The following CLIC5 variants were observed in gnomAD, a reference collection of about 807,000 sequenced individuals.
CLIC5 encodes chloride intracellular channel protein 5.
Under a neutral mutation model 24.7 loss-of-function variants are expected in CLIC5, and 20 were observed. The ratio of observed to expected loss-of-function variants is 0.81; its 90% CI spans 0.57 to 1.18. CLIC5 has a LOEUF of 1.18. CLIC5 is among the 50% of genes most tolerant of loss of function. CLIC5 has a pLI of 0.00. For synonymous variants in CLIC5, 159 were observed against 135.6 expected, an observed-to-expected ratio of 1.17 and a Z score of -1.20; for missense variants, 341 against 326.1, an observed-to-expected ratio of 1.05 and a Z score of -0.35.
intron 1 of CLIC5, among the ~76,000 whole-genome samples, chr6:46,003,918 C>A (rs1201539242): frequency 6.6e-6 from 1 of 152,142 alleles, no homozygotes; most frequent in East Asian, 1.9e-4. Context: ...TATAGAGCAA[C>A]CCATCATGCA....
intron 1 of CLIC5, among the ~76,000 whole-genome samples, chr6:45,971,325 T>C (rs1294089384): frequency 6.6e-6 from 1 of 152,226 alleles, no homozygotes; most frequent in Non-Finnish European, 1.5e-5. Flanking sequence ...ATATCACTTA[T>C]ATCTTATTTA....
At chr6:45,914,557 A>T in intron 4 of CLIC5, 148 bp from the exon 5 acceptor site, 1 of 1,264,040 alleles carries the variant, frequency 7.9e-7, no homozygotes, top group East Asian at 3.0e-5. Flanking sequence ...CCTGGAAACC[A>T]TTAACACAAT....
chr6:46,092,374 T>G, the CLIC5 span, among the ~76,000 whole-genome samples: 1 of 151,450 alleles, frequency 6.6e-6, no homozygotes. Flanking sequence ...ATTACAAAAG[T>G]ATTTTGCAGG....
the CLIC5 span, among the ~76,000 whole-genome samples, chr6:46,095,189 C>A: frequency 6.6e-5 from 10 of 151,200 alleles, no homozygotes; most frequent in African/African-American, 2.4e-4. Context: ...CCCTCCTACG[C>A]CTCCAGGTCT....
intron 1 of CLIC5, among the ~76,000 whole-genome samples, chr6:46,011,228 T>C (rs979518579): frequency 6.6e-6 from 1 of 152,216 alleles, no homozygotes; most frequent in Non-Finnish European, 1.5e-5. Context: ...TCAGCATCTG[T>C]TAACTGGGCA....
chr6:45,964,179 T>A (rs1764943174), intron 1 of CLIC5, among the ~76,000 whole-genome samples: 1 of 152,196 alleles, frequency 6.6e-6, no homozygotes, highest in Non-Finnish European at 1.5e-5. Flanking sequence ...ATTTAACAGC[T>A]AAATTCCATT....
chr6:45,924,047 T>C (rs960172794), intron 4 of CLIC5, among the ~76,000 whole-genome samples: 4 of 152,140 alleles, frequency 2.6e-5, no homozygotes, highest in Non-Finnish European at 5.9e-5. Flanking sequence ...TTATGTACAA[T>C]GTGTATGTGC....
At chr6:45,981,660 T>C (rs1765571755) in intron 1 of CLIC5, among the ~76,000 whole-genome samples, 1 of 152,136 alleles carries the variant, frequency 6.6e-6, no homozygotes, top group South Asian at 2.1e-4. Context: ...TCAGTTTTGG[T>C]GGGCATCTAC....
At chr6:46,037,816 C>G (rs1767703434) in intron 1 of CLIC5, among the ~76,000 whole-genome samples, 1 of 152,140 alleles carries the variant, frequency 6.6e-6, no homozygotes, top group African/African-American at 2.4e-5. Context: ...TGCGGGCTAA[C>G]TGAAGGTACA....
intron 1 of CLIC5, among the ~76,000 whole-genome samples, chr6:46,071,632 A>G (rs1275234217): frequency 6.6e-6 from 1 of 152,172 alleles, no homozygotes. Context: ...TACACTGTTG[A>G]TTAGAGTGTA....
At chr6:45,977,529 A>T (rs191192335) in intron 1 of CLIC5, among the ~76,000 whole-genome samples, 43 of 152,278 alleles carry the variant, frequency 2.8e-4, no homozygotes, top group African/African-American at 1.0e-3. Flanking sequence ...AGAACCCTCC[A>T]ATGACTTTGC....
At chr6:46,088,297 C>G in the CLIC5 span, among the ~76,000 whole-genome samples, 1 of 151,834 alleles carries the variant, frequency 6.6e-6, no homozygotes, top group Non-Finnish European at 1.5e-5. Flanking sequence ...TTTGGAAATA[C>G]CACTTGACTC....
the CLIC5 span, among the ~76,000 whole-genome samples, chr6:46,107,252 T>C: frequency 3.9e-5 from 6 of 152,344 alleles, no homozygotes; most frequent in Non-Finnish European, 5.9e-5. Flanking sequence ...GTTGCTTCTC[T>C]GACATTTTTA....
chr6:45,986,114 C>A (rs1175610061), intron 1 of CLIC5, among the ~76,000 whole-genome samples: 1 of 152,214 alleles, frequency 6.6e-6, no homozygotes, highest in African/African-American at 2.4e-5. Context: ...CCATGTGGAA[C>A]TGTGAGTCAA....
At chr6:45,885,642 G>A (rs907206973) in intron 6 of CLIC5, among the ~76,000 whole-genome samples, 3 of 152,120 alleles carry the variant, frequency 2.0e-5, no homozygotes, top group Non-Finnish European at 4.4e-5. Context: ...TCAATTCTCC[G>A]GACATCTTCT....
Position 45,988,770 on chromosome 6 carries a change from C to T in CLIC5, c.63+26710G>A, listed in dbSNP as rs189898598. ...GCTGACTTCTCAAGTTCCTCCCTTG[C>T]GCTTTGTGGTGCTGGCCCAGCCAAT... On this transcript the variant is annotated intron_variant, in intron 1 of 5. Coordinates refer to ENST00000339561, the MANE Select transcript of CLIC5 (RefSeq NM_016929.5). Among the ~76,000 whole-genome samples, 25 of 152,314 alleles carry T rather than the reference C, an allele frequency of 1.6e-4. No homozygotes were observed. The South Asian group carries it at 2.5e-3, about 15-fold the overall frequency.
intron 1 of CLIC5, among the ~76,000 whole-genome samples, chr6:46,078,531 A>G (rs553034737): frequency 6.6e-6 from 1 of 151,604 alleles, no homozygotes; most frequent in African/African-American, 2.4e-5. Flanking sequence ...CACTCCACCC[A>G]CTCCTCTGTT....
At chr6:45,923,689 C>T (rs961095100) in intron 4 of CLIC5, among the ~76,000 whole-genome samples, 3 of 152,232 alleles carry the variant, frequency 2.0e-5, no homozygotes, top group Admixed American at 2.0e-4. Context: ...TAAGGAAATA[C>T]ACATGGTAGT....
chr6:45,983,760 C>A (rs145030554), intron 1 of CLIC5, among the ~76,000 whole-genome samples: 1 of 152,334 alleles, frequency 6.6e-6, no homozygotes, highest in South Asian at 2.1e-4. Context: ...GGCTAAGAAC[C>A]TGCCTTCGGG....
Sources: allele counts gnomAD v4.1 joint callset (sites outside exome capture counted in the v4.1 genomes callset), GRCh38; gene constraint gnomAD v4.1.1; transcripts MANE v1.5; gene names NCBI Gene and HGNC (gene_info 2026-07-23, HGNC 2026-07-21).